The following ANKRD17 variants were observed in gnomAD, a reference collection of about 807,000 sequenced individuals.
ANKRD17 encodes the protein ankyrin repeat domain-containing protein 17.
A neutral mutation model predicts 229.7 loss-of-function variants in ANKRD17; 19 were observed. That is an observed-to-expected ratio of 0.08 (90% CI 0.06 to 0.12). The LOEUF (loss-of-function observed/expected upper bound fraction) is 0.12. Among genes scored for constraint, ANKRD17 ranks in the 10% least tolerant of loss-of-function variants. ANKRD17 has a pLI of 1.00. For synonymous variants in ANKRD17, 1,112 were observed against 1,146.1 expected (o/e 0.97, Z 0.60); for missense variants, 2,176 against 3,176.8 (o/e 0.68, Z 7.57).
chr4:73,240,272 A>C lies in ANKRD17; in HGVS notation c.393+18004T>G, dbSNP rs1470866666. On this transcript the variant is annotated intron_variant, in intron 1 of 33. Transcript: ENST00000358602. ...TAAGGGAGGGAAAGAGAAAAGAAAA[A>C]AAAATGTCAAGCCTGTTTAGAGGTT... 2.0e-5 allele frequency among the ~76,000 whole-genome samples: 3 copies of C among 152,114 alleles called. No individual in the cohort carries two copies. The East Asian group carries it at 5.8e-4, about 29-fold the overall frequency.
chr4:73,104,369 A>G (rs1257736638), intron 24 of ANKRD17, among the ~76,000 whole-genome samples: 1 of 152,190 alleles, frequency 6.6e-6, no homozygotes. Context: ...TGTTTTCTCC[A>G]CGTGGACCCC....
rs149495892 is a variant in ANKRD17, at chr4:73,198,406, T to C, written c.394-20873A>G. ...AATTTGTATACCCAATGGCTCTGTG[T>C]TTCACTTGATAAAGAATTAGGTTAT... On this transcript the variant is annotated intron_variant, in intron 1 of 33. Transcript: ENST00000358602. Among the ~76,000 whole-genome samples, 978 of 152,278 alleles carry C rather than the reference T, an allele frequency of 6.4e-3. 11 individuals are homozygous for C. Among genetic ancestry groups the C allele is most frequent in the African/African-American group, 0.023 (936 of 41,546 alleles).
At chr4:73,232,383 G>A (rs1211808810) in intron 1 of ANKRD17, among the ~76,000 whole-genome samples, 4 of 152,124 alleles carry the variant, frequency 2.6e-5, no homozygotes, top group African/African-American at 9.7e-5. Context: ...AGAGGCACTG[G>A]AAGGAAGTAG....
intron 1 of ANKRD17, among the ~76,000 whole-genome samples, chr4:73,254,282 CT>C (rs1273554930): frequency 2.0e-5 from 3 of 152,196 alleles, no homozygotes; most frequent in African/African-American, 7.2e-5. Flanking sequence ...CTTGCAAATC[CT>C]TTCAATACTA....
At chr4:73,203,639 T>C (rs1738983692) in intron 1 of ANKRD17, among the ~76,000 whole-genome samples, 1 of 150,412 alleles carries the variant, frequency 6.6e-6, no homozygotes, top group African/African-American at 2.4e-5. Context: ...ATGCCTGTAG[T>C]CCCAGCTACT....
At chr4:73,233,287 G>A (rs959149551) in intron 1 of ANKRD17, among the ~76,000 whole-genome samples, 4 of 151,326 alleles carry the variant, frequency 2.6e-5, no homozygotes, top group African/African-American at 9.7e-5. Flanking sequence ...TGACCCCTTC[G>A]TTTGTTGCCC....
chr4:73,104,295 G>C (rs1724354190), intron 24 of ANKRD17, among the ~76,000 whole-genome samples: 1 of 152,140 alleles, frequency 6.6e-6, no homozygotes, highest in Non-Finnish European at 1.5e-5. Context: ...AGTAATATCT[G>C]ATTGGTGAGT....
chr4:73,197,565 C>G (rs1738054646), intron 1 of ANKRD17, among the ~76,000 whole-genome samples: 1 of 152,188 alleles, frequency 6.6e-6, no homozygotes, highest in African/African-American at 2.4e-5. Context: ...TGCCATGGCT[C>G]ATGTCTGTAA....
chr4:73,184,605 A>C (rs1461970475), intron 1 of ANKRD17, among the ~76,000 whole-genome samples: 1 of 151,828 alleles, frequency 6.6e-6, no homozygotes, highest in African/African-American at 2.4e-5. Context: ...TACAAACTCC[A>C]ACTTAACAAA....
chr4:73,083,552 T>C (rs1721783444), intron 30 of ANKRD17, among the ~76,000 whole-genome samples: 1 of 152,166 alleles, frequency 6.6e-6, no homozygotes, highest in African/African-American at 2.4e-5. Flanking sequence ...TGTAACAAAA[T>C]AGTTACTGGA....
Position 73,091,389 on chromosome 4 carries a change from C to T in ANKRD17, c.6239G>A (p.Gly2080Asp), listed in dbSNP as rs1295102107. The change falls in exon 29 of 34, where the codon GGT (glycine) becomes GAT (aspartate). Residue 2080 changes from glycine to aspartate, a missense_variant. Gly to Asp is a moderately conservative substitution (Grantham distance 94, BLOSUM62 -1). Transcript: ENST00000358602. The stretch of plus-strand genomic sequence containing the variant: ...TGTTGTTTCTACTACTGGTGGACTA[C>T]CTGCTTCCTGTTCGGAGGAAGATGC... Reference protein sequence around the residue: ...KVASSSEQEAGSPPVVETTNT... With the variant: ...KVASSSEQEADSPPVVETTNT... 5.0e-6 allele frequency: 8 copies of T among 1,614,108 alleles called. No homozygotes were observed. Among genetic ancestry groups the T allele is most frequent in the Non-Finnish European group, 6.8e-6 (8 of 1,180,044 alleles).
chr4:73,190,648 A>G (rs1450208291), intron 1 of ANKRD17, among the ~76,000 whole-genome samples: 2 of 151,996 alleles, frequency 1.3e-5, no homozygotes, highest in Non-Finnish European at 2.9e-5. Flanking sequence ...TCATTTGCAG[A>G]AAATACAGCC....
Position 73,155,578 on chromosome 4 carries a change from T to C in ANKRD17, c.1000+53A>G. On this transcript the variant is annotated intron_variant, in intron 5 of 33. Transcript: ENST00000358602. ...AAACATCACTTTCATGCAAAATCAT[T>C]ATTACCAAATGATGTTACTATGTAG... 8.1e-6 allele frequency: 13 copies of C among 1,598,552 alleles called. 1 individual carries two copies. In the South Asian group the frequency reaches 1.5e-4, roughly 18 times the overall value.
At position 73,114,025 on chromosome 4, in the gene ANKRD17, A is replaced by T. The variant is rs146495958; in HGVS notation, c.4285-117T>A. The T allele has an allele frequency of 3.3e-5, 21 of 642,012 alleles. No individual in the cohort carries two copies. The East Asian group carries it at 5.3e-4, about 16-fold the overall frequency. 39.8% of individuals were successfully genotyped at this position (642,012 alleles called of 1,614,324 possible). A position where few individuals can be genotyped will look rare whatever the true frequency, so the allele number is the denominator to read the frequency against. ...CAAACCTAAGCAATAAAGATCCATG[A>T]AAGGGGGAAAAAAGGTGTGCAAATA... is the stretch of plus-strand genomic sequence containing the variant. On this transcript the variant is annotated intron_variant, in intron 23 of 33. Coordinates refer to ENST00000358602, the MANE Select transcript of ANKRD17 (RefSeq NM_032217.5).
chr4:73,176,815 C>A (rs888075879), intron 2 of ANKRD17, among the ~76,000 whole-genome samples: 1 of 152,134 alleles, frequency 6.6e-6, no homozygotes, highest in Non-Finnish European at 1.5e-5. Context: ...ATCAAAATAT[C>A]TCATGTATCC....
intron 1 of ANKRD17, among the ~76,000 whole-genome samples, chr4:73,190,267 G>C (rs1026938287): frequency 6.6e-6 from 1 of 152,064 alleles, no homozygotes; most frequent in Non-Finnish European, 1.5e-5. Context: ...TACTTGGGAG[G>C]CTGAGGCAGG....
chr4:73,101,156 G>A (rs959414502), intron 25 of ANKRD17: 4 of 911,768 alleles, frequency 4.4e-6, no homozygotes, highest in African/African-American at 1.8e-5. Context: ...TATCCGTGAG[G>A]GTCCTGGAAA....
chr4:73,123,197 T>C (rs948035917), intron 18 of ANKRD17, among the ~76,000 whole-genome samples: 2 of 152,070 alleles, frequency 1.3e-5, no homozygotes, highest in East Asian at 1.9e-4. Context: ...TGACTCAATA[T>C]TGAAAAAATC....
intron 30 of ANKRD17, among the ~76,000 whole-genome samples, chr4:73,082,103 T>C (rs987302655): frequency 6.7e-6 from 1 of 148,576 alleles, no homozygotes; most frequent in African/African-American, 2.5e-5. Context: ...TGAGCCAAGA[T>C]TGTGCCACTA....
Sources: gnomAD v4.1 joint callset for allele counts (sites outside exome capture counted in the v4.1 genomes callset) on GRCh38, gnomAD v4.1.1 for gene constraint, MANE v1.5 for transcripts, NCBI Gene and HGNC (gene_info 2026-07-23, HGNC 2026-07-21) for gene names.